Variants in CALN1 observed in about 807,000 individuals in gnomAD.
The protein encoded by CALN1 is calneuron 1, also known as calcium-binding protein 8.
A neutral mutation model predicts 30.6 loss-of-function variants in CALN1; 17 were observed. The observed-to-expected ratio is 0.56, with a 90% confidence interval of 0.38 to 0.83. The LOEUF is 0.83. CALN1 is among the 40% of genes least tolerant of loss of function. The pLI is 0.00. For synonymous variants in CALN1, 156 were observed against 131.4 expected, an observed-to-expected ratio of 1.19 and a Z score of -1.28; for missense variants, 291 against 354.9, an observed-to-expected ratio of 0.82 and a Z score of 1.45.
At chr7:71,979,513 C>T (rs532385069) in intron 5 of CALN1, among the ~76,000 whole-genome samples, 3 of 152,188 alleles carry the variant, frequency 2.0e-5, no homozygotes, top group South Asian at 2.1e-4. Flanking sequence ...CTAACGCTGC[C>T]GCTGATCTGG....
At chr7:72,343,379 T>C (rs1196634904) in intron 2 of CALN1, among the ~76,000 whole-genome samples, 1 of 152,002 alleles carries the variant, frequency 6.6e-6, no homozygotes, top group Admixed American at 6.6e-5. Flanking sequence ...AAACTCTGTT[T>C]CTACTGTAAA....
intron 5 of CALN1, among the ~76,000 whole-genome samples, chr7:71,865,383 G>A (rs929037941): frequency 2.0e-5 from 3 of 152,204 alleles, no homozygotes; most frequent in Non-Finnish European, 4.4e-5. Flanking sequence ...ATGGCCTTCC[G>A]CCATGACTGT....
chr7:71,807,951 G>GTAGTC (rs1159067355), intron 6 of CALN1, among the ~76,000 whole-genome samples: 4 of 152,132 alleles, frequency 2.6e-5, no homozygotes, highest in African/African-American at 9.7e-5. Context: ...GTGGGCACCT[G>GTAGTC]TAGTCCCAGC....
chr7:72,022,648 C>A (rs1397266337), intron 5 of CALN1, among the ~76,000 whole-genome samples: 1 of 152,184 alleles, frequency 6.6e-6, no homozygotes, highest in Admixed American at 6.5e-5. Flanking sequence ...CCTGTCTTGG[C>A]CTCCCAAAGC....
the CALN1 span, among the ~76,000 whole-genome samples, chr7:72,480,994 C>T: frequency 6.6e-6 from 1 of 152,048 alleles, no homozygotes; most frequent in Admixed American, 6.6e-5. Flanking sequence ...GCTCTGTTGC[C>T]CAGGCTGGAG....
chr7:72,470,902 A>G, the CALN1 span, among the ~76,000 whole-genome samples: 1 of 152,116 alleles, frequency 6.6e-6, no homozygotes, highest in African/African-American at 2.4e-5. Flanking sequence ...CTAAATGTTA[A>G]CAAGCAAGAC....
the CALN1 span, among the ~76,000 whole-genome samples, chr7:72,500,356 C>T: frequency 7.3e-6 from 1 of 136,908 alleles, no homozygotes; most frequent in East Asian, 2.5e-4. Context: ...TCTCGGTTCA[C>T]CACAACCTCC....
chr7:72,407,045 G>C (rs143787247), intron 1 of CALN1, among the ~76,000 whole-genome samples: 3 of 152,248 alleles, frequency 2.0e-5, no homozygotes, highest in Non-Finnish European at 4.4e-5. Flanking sequence ...CCCAAAAAGT[G>C]ATGTAGCCCT....
At chr7:72,442,324 C>A (rs1344488109) in intron 1 of CALN1, among the ~76,000 whole-genome samples, 1 of 152,242 alleles carries the variant, frequency 6.6e-6, no homozygotes, top group Non-Finnish European at 1.5e-5. Flanking sequence ...TCCCGCCTCA[C>A]TCAAAGCAAA....
At chr7:72,162,126 GAAT>G (rs1273248537) in intron 3 of CALN1, among the ~76,000 whole-genome samples, 3 of 151,804 alleles carry the variant, frequency 2.0e-5, no homozygotes, top group Non-Finnish European at 2.9e-5. Context: ...AGCACAGAAA[GAAT>G]AAATTACATC....
At chr7:72,413,253 C>T (rs1562959766), upstream of CALN1, among the ~76,000 whole-genome samples, 5 of 151,608 alleles carry the variant, frequency 3.3e-5, no homozygotes, top group Non-Finnish European at 2.9e-5. Context: ...CACACATACA[C>T]ACATATACAT....
chr7:72,062,636 A>G (rs1056186726), intron 4 of CALN1, among the ~76,000 whole-genome samples: 2 of 152,178 alleles, frequency 1.3e-5, no homozygotes, highest in Admixed American at 6.5e-5. Flanking sequence ...TTGGTTCTTT[A>G]AAAATGTTCT....
At chr7:72,436,974 C>A (rs1258331184) in intron 1 of CALN1, among the ~76,000 whole-genome samples, 1 of 151,878 alleles carries the variant, frequency 6.6e-6, no homozygotes, top group East Asian at 1.9e-4. Context: ...GGAGGCTAAG[C>A]AGGGAGGCTT....
At chr7:71,877,159 A>C (rs1792295797) in intron 5 of CALN1, among the ~76,000 whole-genome samples, 1 of 152,212 alleles carries the variant, frequency 6.6e-6, no homozygotes, top group South Asian at 2.1e-4. Context: ...TATGGTAAAA[A>C]TCAACAGCCA....
At chr7:71,803,259 G>A (rs1438660216) in intron 6 of CALN1, among the ~76,000 whole-genome samples, 1 of 152,086 alleles carries the variant, frequency 6.6e-6, no homozygotes, top group East Asian at 1.9e-4. Context: ...GTGGAATGTG[G>A]TCAGCACCTG....
chr7:72,217,090 G>C (rs1476134951), intron 3 of CALN1, among the ~76,000 whole-genome samples: 1 of 152,150 alleles, frequency 6.6e-6, no homozygotes, highest in Non-Finnish European at 1.5e-5. Context: ...AGAGGCAATA[G>C]AGAAAATACA....
chr7:72,257,449 A>G (rs936147009), intron 3 of CALN1, among the ~76,000 whole-genome samples: 3 of 143,206 alleles, frequency 2.1e-5, no homozygotes, highest in Admixed American at 1.4e-4. Context: ...ACAATTTTAA[A>G]AATAAAAAAA....
chr7:71,904,179 C>T (rs1326428149), intron 5 of CALN1, among the ~76,000 whole-genome samples: 5 of 152,060 alleles, frequency 3.3e-5, no homozygotes, highest in African/African-American at 9.7e-5. Context: ...TGCCCTAAGA[C>T]CCAGCAATCC....
chr7:72,250,819 C>T (rs938870283), intron 3 of CALN1, among the ~76,000 whole-genome samples: 1 of 152,138 alleles, frequency 6.6e-6, no homozygotes, highest in African/African-American at 2.4e-5. Context: ...GCACCACGCT[C>T]GTATAGCCTG....
Sources: gnomAD v4.1 joint callset for allele counts (sites outside exome capture counted in the v4.1 genomes callset) on GRCh38, gnomAD v4.1.1 for gene constraint, MANE v1.5 for transcripts, NCBI Gene and HGNC (gene_info 2026-07-23, HGNC 2026-07-21) for gene names.